The following SEMA3E variants were observed in gnomAD, a reference collection of about 807,000 sequenced individuals.
The protein encoded by SEMA3E is semaphorin-3E.
Under a neutral mutation model 93.6 loss-of-function variants are expected in SEMA3E, and 49 were observed. The ratio of observed to expected loss-of-function variants is 0.52; its 90% CI spans 0.42 to 0.66. The LOEUF (loss-of-function observed/expected upper bound fraction) is 0.66. Among genes scored for constraint, SEMA3E ranks in the 30% least tolerant of loss-of-function variants. SEMA3E has a pLI of 0.00. For missense variants in SEMA3E, 906 were observed against 964.8 expected, an observed-to-expected ratio of 0.94 and a Z score of 0.81; for synonymous variants, 363 against 330.7, an observed-to-expected ratio of 1.10 and a Z score of -1.06.
At chr7:83,448,689 A>C (rs983539304) in intron 4 of SEMA3E, among the ~76,000 whole-genome samples, 7 of 152,218 alleles carry the variant, frequency 4.6e-5, no homozygotes, top group African/African-American at 1.7e-4. Flanking sequence ...TTGAAAACCG[A>C]ATCTGATAAC....
intron 4 of SEMA3E, among the ~76,000 whole-genome samples, chr7:83,427,950 C>T (rs1389884381): frequency 6.6e-6 from 1 of 152,184 alleles, no homozygotes; most frequent in Non-Finnish European, 1.5e-5. Flanking sequence ...AAGGCATTCC[C>T]AGCATTAACA....
intron 11 of SEMA3E, among the ~76,000 whole-genome samples, chr7:83,397,984 C>T (rs200061138): frequency 6.6e-5 from 10 of 152,140 alleles, no homozygotes; most frequent in East Asian, 5.8e-4. Flanking sequence ...ATGATTAATT[C>T]GCAATTAGTG....
At chr7:83,487,759 T>C (rs1477924029) in intron 2 of SEMA3E, among the ~76,000 whole-genome samples, 1 of 149,460 alleles carries the variant, frequency 6.7e-6, no homozygotes, top group East Asian at 2.0e-4. Flanking sequence ...AAGAGAGCAA[T>C]TAGTATACAT....
Position 83,621,847 on chromosome 7 carries a change from T to C in SEMA3E, c.115+26581A>G, listed in dbSNP as rs894266556. Among the ~76,000 whole-genome samples, 4 of 152,268 alleles carry C rather than the reference T, an allele frequency of 2.6e-5. No individual in the cohort carries two copies. In the South Asian group the frequency reaches 8.3e-4, roughly 32 times the overall value. On this transcript the variant is annotated intron_variant, in intron 1 of 16. Transcript: ENST00000643230. Reference sequence around the variant, plus strand: ...ACGTTATACAAAGATTAAATCAAGATGGATTAAAGATTTAAATGTAAAACC... The same window carrying C: ...ACGTTATACAAAGATTAAATCAAGACGGATTAAAGATTTAAATGTAAAACC...
chr7:83,560,330 A>T (rs901579953), intron 1 of SEMA3E, among the ~76,000 whole-genome samples: 3 of 152,046 alleles, frequency 2.0e-5, no homozygotes, highest in Non-Finnish European at 4.4e-5. Flanking sequence ...CGGGGAGTAT[A>T]TGAGAAATCT....
At chr7:83,389,633 CACAT>C (rs1356212235) in intron 14 of SEMA3E, among the ~76,000 whole-genome samples, 1 of 150,940 alleles carries the variant, frequency 6.6e-6, no homozygotes, top group African/African-American at 2.4e-5. Context: ...TACATACACA[CACAT>C]ACACGTATAT....
In SEMA3E at chr7:83,414,910, A is replaced by G. The variant is rs367624355; in HGVS notation, c.550+3480T>C. 2.6e-5 allele frequency among the ~76,000 whole-genome samples: 4 copies of G among 152,184 alleles called. No homozygotes were observed. The South Asian group carries it at 8.3e-4, about 32-fold the overall frequency. On this transcript the variant is annotated intron_variant, in intron 5 of 16. Coordinates refer to ENST00000643230, the MANE Select transcript of SEMA3E (RefSeq NM_012431.3). ...GTCAGAATAAAATTTAAAAATAAAAATGGCTATAGAATTAAAAGGAGAAAC... is the reference window on the plus strand; with the variant it reads ...GTCAGAATAAAATTTAAAAATAAAAGTGGCTATAGAATTAAAAGGAGAAAC...
Position 83,413,126 on chromosome 7 carries a change from CTTTT to C in SEMA3E, c.551-4643_551-4640del, listed in dbSNP as rs572271089. ...ACTAAAATACTTTTCTATATAACTC[CTTTT>C]TTTTACAATGTGAACTCTAGTTGAA... On this transcript the variant is annotated intron_variant, in intron 5 of 16. Coordinates refer to ENST00000643230, the MANE Select transcript of SEMA3E (RefSeq NM_012431.3). Among the ~76,000 whole-genome samples, 307 of 151,968 alleles carry C rather than the reference CTTTT, an allele frequency of 2.0e-3. 7 individuals carry two copies. The highest frequency in any genetic ancestry group is 0.019 in the Admixed American group (287 of 15,250).
At chr7:83,505,783 A>AG (rs1020632712) in intron 1 of SEMA3E, among the ~76,000 whole-genome samples, 28 of 151,972 alleles carry the variant, frequency 1.8e-4, no homozygotes, top group Admixed American at 4.6e-4. Context: ...TGGGATGCCA[A>AG]GGGGGGCAGA....
At position 83,633,728 on chromosome 7, in the gene SEMA3E, C is replaced by A. The variant is rs568921625; in HGVS notation, c.115+14700G>T. On this transcript the variant is annotated intron_variant, in intron 1 of 16. Transcript: ENST00000643230. The stretch of plus-strand genomic sequence containing the variant: ...GCAGTATGGGAGAGAGTGTGGGCAA[C>A]CGGCTGCAGTAGCAGCTGGGCCTAT... 2.1e-3 allele frequency among the ~76,000 whole-genome samples: 324 copies of A among 151,962 alleles called. 1 individual carries two copies. The highest frequency in any genetic ancestry group is 7.5e-3 in the African/African-American group (312 of 41,438).
At chr7:83,619,796 C>T (rs936507882) in intron 1 of SEMA3E, among the ~76,000 whole-genome samples, 1 of 151,272 alleles carries the variant, frequency 6.6e-6, no homozygotes, top group East Asian at 1.9e-4. Context: ...AAAATGAGTG[C>T]TACTGTTGGA....
rs1358353011 is a variant in SEMA3E, at chr7:83,366,079, T to C, written c.*1507A>G. The C allele has an allele frequency of 2.0e-5, 3 of 152,116 alleles. No individual in the cohort carries two copies. Among genetic ancestry groups the C allele is most frequent in the Non-Finnish European group, 2.9e-5 (2 of 67,956 alleles). The allele number at this position is 152,116 out of a possible 1,614,324, so 9.4% of individuals were successfully genotyped here. ...ACTTAAATTTTTCTTAAAATATTTA[T>C]GTATTTGTTCATTTTACAATGAAAT... On this transcript the variant is annotated 3_prime_UTR_variant, in exon 17 of 17. Coordinates refer to ENST00000643230, the MANE Select transcript of SEMA3E (RefSeq NM_012431.3).
At chr7:83,410,789 C>T (rs936874261) in intron 5 of SEMA3E, among the ~76,000 whole-genome samples, 8 of 152,026 alleles carry the variant, frequency 5.3e-5, no homozygotes, top group Non-Finnish European at 2.9e-5. Context: ...ACTATTAACA[C>T]ATGAGTGAGG....
intron 1 of SEMA3E, among the ~76,000 whole-genome samples, chr7:83,607,530 T>C (rs1793149284): frequency 6.6e-6 from 1 of 152,228 alleles, no homozygotes; most frequent in Admixed American, 6.5e-5. Flanking sequence ...ATATTTTTAA[T>C]ATTTATAAGA....
At chr7:83,377,603 C>A (rs1205313796) in intron 16 of SEMA3E, among the ~76,000 whole-genome samples, 1 of 151,750 alleles carries the variant, frequency 6.6e-6, no homozygotes, top group Non-Finnish European at 1.5e-5. Context: ...TTCAGGGGAA[C>A]CTACTTTTAA....
At chr7:83,494,480 T>G (rs1340963987) in intron 1 of SEMA3E, among the ~76,000 whole-genome samples, 1 of 151,716 alleles carries the variant, frequency 6.6e-6, no homozygotes, top group East Asian at 1.9e-4. Context: ...TAAACTAACA[T>G]CAAAATTCAC....
intron 1 of SEMA3E, among the ~76,000 whole-genome samples, chr7:83,494,929 T>C (rs2115574915): frequency 6.6e-6 from 1 of 152,070 alleles, no homozygotes; most frequent in Middle Eastern, 3.4e-3. Flanking sequence ...CAATTATCCA[T>C]CTGCGGTTAA....
intron 1 of SEMA3E, among the ~76,000 whole-genome samples, chr7:83,492,787 A>G (rs1429134128): frequency 1.3e-5 from 2 of 152,004 alleles, no homozygotes; most frequent in African/African-American, 2.4e-5. Flanking sequence ...GTGACAGTTT[A>G]AATTACCAAT....
intron 1 of SEMA3E, among the ~76,000 whole-genome samples, chr7:83,505,786 G>C (rs968640834): frequency 5.9e-5 from 9 of 151,804 alleles, no homozygotes; most frequent in Admixed American, 3.9e-4. Flanking sequence ...GATGCCAAGG[G>C]GGGCAGATCA....
Sources: gnomAD v4.1 joint callset for allele counts (sites outside exome capture counted in the v4.1 genomes callset) on GRCh38, gnomAD v4.1.1 for gene constraint, MANE v1.5 for transcripts, NCBI Gene and HGNC (gene_info 2026-07-23, HGNC 2026-07-21) for gene names.